The following CD99 variants were observed in gnomAD, a reference collection of about 807,000 sequenced individuals.
CD99 encodes the protein CD99 molecule (Xg blood group), also known as CD99 antigen.
In CD99, 19 loss-of-function variants were observed where a neutral mutation model predicts 28.4. The ratio of observed to expected loss-of-function variants is 0.67; its 90% CI spans 0.47 to 0.98. The LOEUF (loss-of-function observed/expected upper bound fraction) is 0.98. Among genes scored for constraint, CD99 ranks in the 50% least tolerant of loss-of-function variants. The pLI is 0.00. For synonymous variants in CD99, 103 were observed against 92.1 expected, an observed-to-expected ratio of 1.12 and a Z score of -0.67; for missense variants, 283 against 248.8, an observed-to-expected ratio of 1.14 and a Z score of -0.92.
intron 8 of CD99, among the ~76,000 whole-genome samples, chrX:2,731,329 C>T (rs2049593268): frequency 6.6e-6 from 1 of 152,200 alleles, no homozygotes; most frequent in Admixed American, 6.5e-5. Context: ...GTGGCTTACG[C>T]CTGTAATCCC....
chrX:2,718,779 T>C (rs963669971), intron 3 of CD99, among the ~76,000 whole-genome samples: 4 of 152,192 alleles, frequency 2.6e-5, no homozygotes, highest in Non-Finnish European at 2.9e-5. Flanking sequence ...CTAAAACTTA[T>C]GGCATCAGTG....
intron 8 of CD99, among the ~76,000 whole-genome samples, chrX:2,737,367 G>A (rs1032624511): frequency 3.3e-5 from 5 of 150,588 alleles, no homozygotes; most frequent in African/African-American, 1.2e-4. Context: ...TAATAGAGAC[G>A]GGGTTTCACC....
chrX:2,733,322 T>G, intron 8 of CD99: 1 of 1,557,286 alleles, frequency 6.4e-7, no homozygotes, highest in Admixed American at 1.9e-5. Context: ...CTTTTTGTAT[T>G]ATTATTTTTT....
chrX:2,724,193 G>C (rs981562027), intron 7 of CD99, among the ~76,000 whole-genome samples: 4 of 152,104 alleles, frequency 2.6e-5, no homozygotes, highest in Non-Finnish European at 5.9e-5. Flanking sequence ...CACATGTCTG[G>C]CATGTTTATC....
chrX:2,738,947 A>G (rs929047968), intron 9 of CD99, among the ~76,000 whole-genome samples: 38 of 151,968 alleles, frequency 2.5e-4, no homozygotes, highest in African/African-American at 8.7e-4. Context: ...TCCTGGGCTC[A>G]AGGGATCCTC....
chrX:2,714,123 G>A (rs943325803), intron 1 of CD99, among the ~76,000 whole-genome samples: 3 of 152,116 alleles, frequency 2.0e-5, no homozygotes, highest in Admixed American at 1.3e-4. Context: ...TTATTCATCT[G>A]TTTGAAAGGA....
At chrX:2,710,418 G>A (rs939339568) in intron 1 of CD99, among the ~76,000 whole-genome samples, 16 of 152,032 alleles carry the variant, frequency 1.1e-4, no homozygotes, top group African/African-American at 3.1e-4. Context: ...CTTTAGTGAC[G>A]GTGTCTATGA....
At chrX:2,725,480 G>A (rs942008763) in intron 7 of CD99, among the ~76,000 whole-genome samples, 1 of 152,110 alleles carries the variant, frequency 6.6e-6, no homozygotes, top group African/African-American at 2.4e-5. Flanking sequence ...ATCTTCAAGG[G>A]GTGAAAAAGG....
intron 1 of CD99, among the ~76,000 whole-genome samples, chrX:2,697,469 C>T (rs2047630266): frequency 6.6e-6 from 1 of 152,144 alleles, no homozygotes; most frequent in African/African-American, 2.4e-5. Context: ...ATCAGCGACA[C>T]CTGAGTTTGC....
intron 8 of CD99, chrX:2,727,333 C>A (rs751566759): frequency 3.3e-4 from 260 of 779,200 alleles, no homozygotes; most frequent in South Asian, 2.2e-3. Flanking sequence ...TTGGGATCCG[C>A]CGTGAAGCTG....
At chrX:2,692,668 G>GTTCT (rs71281934) in intron 1 of CD99, among the ~76,000 whole-genome samples, 2 of 151,710 alleles carry the variant, frequency 1.3e-5, no homozygotes, top group Non-Finnish European at 2.9e-5. Flanking sequence ...CTTCCTAAAT[G>GTTCT]TCCTTCTTGC....
At chrX:2,702,726 C>A (rs1221831483) in intron 1 of CD99, among the ~76,000 whole-genome samples, 1 of 152,020 alleles carries the variant, frequency 6.6e-6, no homozygotes, top group African/African-American at 2.4e-5. Context: ...CCTTTATGTT[C>A]TTCTCCTTAC....
chrX:2,707,156 T>TC (rs1435634105), intron 1 of CD99, among the ~76,000 whole-genome samples: 5 of 152,016 alleles, frequency 3.3e-5, no homozygotes, highest in Admixed American at 2.0e-4. Flanking sequence ...ATGGCGAAAC[T>TC]CCATCTCTAC....
intron 3 of CD99, among the ~76,000 whole-genome samples, chrX:2,718,369 C>CTTT (rs750689789): frequency 1.5e-5 from 2 of 136,930 alleles, no homozygotes; most frequent in African/African-American, 2.7e-5. Flanking sequence ...TTCTTTCTTT[C>CTTT]TTTTTTTTTT....
chrX:2,726,275 T>G lies in CD99; in HGVS notation c.377T>G (p.Val126Gly). 6.2e-7 allele frequency: 1 copy of G among 1,610,644 alleles called. No individual in the cohort carries two copies. Among genetic ancestry groups the G allele is most frequent in the Non-Finnish European group, 8.5e-7 (1 of 1,178,466 alleles). The part of the protein sequence containing the change: ...KEGEEADAPG[V>G]IPGIVGAVVV... ...CCTCCTGCAGCCGACGCCCCAGGCG[T>G]GATCCCCGGGATTGTGGGGGCTGTC... Residue 126 changes from valine (V) to glycine (G), a missense_variant, in exon 8 of 10, where the codon GTG (valine) becomes GGG (glycine). Val to Gly is a moderately radical substitution (Grantham distance 109). Transcript: ENST00000381192.
Position 2,691,405 on chromosome X carries a change from G to T in CD99, c.45G>T (p.Leu15=). Reference sequence around the variant, plus strand: ...TGGCGCTGCTGCTCTTCGGCCTGCTGGGTGTTCTGGTCGCCGCCCCGGGTG... The same window carrying T: ...TGGCGCTGCTGCTCTTCGGCCTGCTTGGTGTTCTGGTCGCCGCCCCGGGTG... ...AALALLLFGL[L]GVLVAAPDGG... Residue 15 remains leucine (L), a synonymous_variant, in exon 1 of 10, where the codon CTG becomes CTT. Coordinates refer to ENST00000381192, the MANE Select transcript of CD99 (RefSeq NM_002414.5). 6.3e-7 allele frequency: 1 copy of T among 1,585,366 alleles called. No individual in the cohort carries two copies. The highest frequency in any genetic ancestry group is 8.5e-7 in the Non-Finnish European group (1 of 1,174,828).
intron 1 of CD99, among the ~76,000 whole-genome samples, chrX:2,701,866 G>GC (rs996568109): frequency 6.6e-6 from 1 of 152,186 alleles, no homozygotes; most frequent in African/African-American, 2.4e-5. Flanking sequence ...AGAAGAGAAG[G>GC]CACAAGCTAT....
In CD99 at chrX:2,726,369, A is replaced by T. The variant is rs1321534470; in HGVS notation, c.471A>T (p.Glu157Asp). 6.3e-7 allele frequency: 1 copy of T among 1,595,700 alleles called. No individual in the cohort carries two copies. Among genetic ancestry groups the T allele is most frequent in the African/African-American group, 1.3e-5 (1 of 74,526 alleles). The change falls in exon 8 of 10, where the codon GAA becomes GAT. Residue 157 changes from glutamate to aspartate, a missense_variant. Physicochemically the swap from Glu to Asp is conservative, Grantham distance 45. Transcript: ENST00000381192. The part of the protein sequence containing the change: ...AYQKKKLCFK[E>D]NAEQGEVDME... ...AGAAAAAGAAGCTATGCTTCAAAGA[A>T]AATGGTAAGTCTCAGTCCGCCGGTG...
intron 3 of CD99, 79 bp from the exon 4 acceptor site, chrX:2,719,582 T>C (rs1345437496): frequency 1.7e-6 from 2 of 1,177,570 alleles, no homozygotes; most frequent in African/African-American, 1.5e-5. Context: ...CCGTGGTGTG[T>C]TTTTGATCTG....
Sources: gnomAD v4.1 joint callset for allele counts (sites outside exome capture counted in the v4.1 genomes callset) on GRCh38, gnomAD v4.1.1 for gene constraint, MANE v1.5 for transcripts, NCBI Gene and HGNC (gene_info 2026-07-23, HGNC 2026-07-21) for gene names.